ZBTB46: variants seen among roughly 807,000 people sequenced by gnomAD.
ZBTB46 encodes the protein zinc finger and BTB domain containing 46.
ZBTB46 carries 8 observed loss-of-function variants against 44.1 expected under a neutral mutation model. That is an observed-to-expected ratio of 0.18 (90% confidence interval 0.11 to 0.33). ZBTB46 has a LOEUF of 0.33. ZBTB46 is among the 10% of genes least tolerant of loss of function. ZBTB46 has a pLI of 1.00. For missense variants in ZBTB46, 651 were observed against 847.7 expected (o/e 0.77, Z 2.88); for synonymous variants, 409 against 382.3 (o/e 1.07, Z -0.81).
In ZBTB46 at chr20:63,830,863, AC is replaced by A. The variant is rs1474612212; in HGVS notation, c.-34+233del. On this transcript the variant is annotated intron_variant, in intron 1 of 4. Coordinates refer to ENST00000245663, the MANE Select transcript of ZBTB46 (RefSeq NM_001369741.1). The stretch of plus-strand genomic sequence containing the variant: ...GCCCCGCGCCGCCGGCCTGGGGGGC[AC>A]CCGCGGGGGCCGGGCCGGGGTCTCC... Among the ~76,000 whole-genome samples the A allele has an allele frequency of 3.0e-5, 4 of 135,538 alleles. No homozygotes were observed. The East Asian group carries it at 9.8e-4, about 33-fold the overall frequency. The allele number at this position is 135,538 out of a possible 152,430, so 88.9% of individuals were successfully genotyped here.
chr20:63,753,608 C>G (rs2092192048), intron 3 of ZBTB46, among the ~76,000 whole-genome samples: 2 of 152,228 alleles, frequency 1.3e-5, no homozygotes, highest in African/African-American at 4.8e-5. Context: ...CCGGAGCAGC[C>G]ACGTCCACGG....
intron 3 of ZBTB46, among the ~76,000 whole-genome samples, chr20:63,763,222 G>A (rs1433101992): frequency 6.6e-6 from 1 of 152,188 alleles, no homozygotes; most frequent in East Asian, 1.9e-4. Flanking sequence ...AATTATTGAT[G>A]TGGCTGGTGT....
intron 1 of ZBTB46, among the ~76,000 whole-genome samples, chr20:63,819,702 G>A (rs1211432407): frequency 2.0e-5 from 3 of 152,204 alleles, no homozygotes; most frequent in Admixed American, 1.3e-4. Flanking sequence ...CCAGTGAGCA[G>A]CCGTGAAAAT....
intron 2 of ZBTB46, among the ~76,000 whole-genome samples, chr20:63,789,533 C>T (rs2092542420): frequency 6.6e-6 from 1 of 152,238 alleles, no homozygotes; most frequent in African/African-American, 2.4e-5. Context: ...GCTCACGTCC[C>T]TGTGGCTTCA....
intron 1 of ZBTB46, among the ~76,000 whole-genome samples, chr20:63,809,149 G>A (rs2146023120): frequency 6.6e-6 from 1 of 152,284 alleles, no homozygotes; most frequent in South Asian, 2.1e-4. Flanking sequence ...CGCAGCGCCT[G>A]GGGCACTTCG....
intron 3 of ZBTB46, among the ~76,000 whole-genome samples, chr20:63,764,839 T>A (rs549724152): frequency 1.3e-5 from 2 of 152,252 alleles, no homozygotes; most frequent in South Asian, 2.1e-4. Context: ...CCTCAGGTGA[T>A]CTGCCCACCT....
At chr20:63,772,718 CAA>C (rs1259695996) in intron 3 of ZBTB46, among the ~76,000 whole-genome samples, 62 of 120,404 alleles carry the variant, frequency 5.1e-4, no homozygotes, top group Middle Eastern at 4.0e-3. Flanking sequence ...GACCCTGTCT[CAA>C]AAACACACAC....
intron 1 of ZBTB46, 61 bp downstream of exon 1, chr20:63,831,036 G>GCCCGGC (rs2146121231): frequency 7.0e-6 from 1 of 142,638 alleles, no homozygotes; most frequent in East Asian, 2.1e-4. Context: ...CCGGCTCCGG[G>GCCCGGC]CCCGGCCCCC....
intron 1 of ZBTB46, chr20:63,808,217 A>C (rs776407445): frequency 6.6e-6 from 1 of 152,628 alleles, no homozygotes; most frequent in Non-Finnish European, 1.5e-5. Flanking sequence ...AGGAGTCCTC[A>C]GTCTCCACAT....
intron 1 of ZBTB46, among the ~76,000 whole-genome samples, chr20:63,822,230 G>GGAACCGGAGGTGGCTGGGA (rs1259737008): frequency 6.6e-6 from 1 of 152,196 alleles, no homozygotes; most frequent in African/African-American, 2.4e-5. Flanking sequence ...CACAGCGTCG[G>GGAACCGGAGGTGGCTGGGA]GAACCGGAGG....
rs1429932902 is a variant in ZBTB46, at chr20:63,746,653, C to T, written c.*277G>A. The T allele has an allele frequency of 6.9e-6, 3 of 434,180 alleles. No individual in the cohort carries two copies. The highest frequency in any genetic ancestry group is 2.1e-5 in the African/African-American group (1 of 48,592). 26.9% of individuals were successfully genotyped at this position (434,180 alleles called of 1,614,324 possible). On this transcript the variant is annotated 3_prime_UTR_variant, in exon 5 of 5. Coordinates refer to ENST00000245663, the MANE Select transcript of ZBTB46 (RefSeq NM_001369741.1). ...CACAGGGGCCACTCACACACCCGCA[C>T]CACCTGCTGGGGACTTAGGACCGTG... is the stretch of plus-strand genomic sequence containing the variant.
intron 1 of ZBTB46, among the ~76,000 whole-genome samples, chr20:63,808,779 C>T (rs2092698663): frequency 6.6e-6 from 1 of 151,918 alleles, no homozygotes; most frequent in African/African-American, 2.4e-5. Flanking sequence ...TCAAGACCAT[C>T]CTGGCTAACA....
intron 3 of ZBTB46, among the ~76,000 whole-genome samples, chr20:63,760,507 C>G: frequency 6.6e-6 from 1 of 152,046 alleles, no homozygotes; most frequent in Non-Finnish European, 1.5e-5. Flanking sequence ...ACTCTGTTGC[C>G]CAGGCTGGAG....
At chr20:63,757,248 G>A (rs2092228928) in intron 3 of ZBTB46, among the ~76,000 whole-genome samples, 1 of 152,050 alleles carries the variant, frequency 6.6e-6, no homozygotes, top group Non-Finnish European at 1.5e-5. Flanking sequence ...TCAGCCTCTC[G>A]AGTAGCTGGG....
intron 1 of ZBTB46, among the ~76,000 whole-genome samples, chr20:63,809,582 T>C (rs1478241239): frequency 6.6e-6 from 1 of 152,214 alleles, no homozygotes; most frequent in Non-Finnish European, 1.5e-5. Context: ...GTTAGCCGTG[T>C]GGTGGCCAGT....
rs78427270 is a variant in ZBTB46 at position 63,784,269 on chromosome 20, C to T, written c.937+5552G>A. ...GGCCGGCCTGGTCCAAGAAGCAGCT[C>T]GAAGACCACCCTACCCTGAGAGCTG... is the stretch of plus-strand genomic sequence containing the variant. On this transcript the variant is annotated intron_variant, in intron 2 of 4. Transcript: ENST00000245663. 3.1e-3 allele frequency among the ~76,000 whole-genome samples: 469 copies of T among 152,306 alleles called. 5 individuals carry two copies. The highest frequency in any genetic ancestry group is 0.011 in the African/African-American group (443 of 41,570).
At chr20:63,807,957 GGA>G (rs201821895) in intron 1 of ZBTB46, 1 of 144,998 alleles carries the variant, frequency 6.9e-6, no homozygotes, top group Non-Finnish European at 1.5e-5. Context: ...CCTTCCCACA[GGA>G]GACACTCACG....
chr20:63,751,809 TC>T (rs1229185882), intron 4 of ZBTB46, among the ~76,000 whole-genome samples: 1 of 111,556 alleles, frequency 9.0e-6, no homozygotes, highest in African/African-American at 3.6e-5. Context: ...CCGGTGGGTC[TC>T]CCCATGAAGC....
At chr20:63,766,886 G>A (rs1037067501) in intron 3 of ZBTB46, among the ~76,000 whole-genome samples, 3 of 152,160 alleles carry the variant, frequency 2.0e-5, no homozygotes, top group Admixed American at 6.5e-5. Context: ...GCCTGGGAGC[G>A]GGCTCCCCCG....
Sources: gnomAD v4.1 joint callset for allele counts (sites outside exome capture counted in the v4.1 genomes callset) on GRCh38, gnomAD v4.1.1 for gene constraint, MANE v1.5 for transcripts, NCBI Gene and HGNC (gene_info 2026-07-23, HGNC 2026-07-21) for gene names.